The following SLC7A11 variants were observed in gnomAD, a reference collection of about 807,000 sequenced individuals.
The protein encoded by SLC7A11 is solute carrier family 7 member 11.
SLC7A11 carries 35 observed loss-of-function variants against 54.5 expected under a neutral mutation model. That is an observed-to-expected ratio of 0.64 (90% CI 0.49 to 0.85). SLC7A11 has a LOEUF of 0.85. Among genes scored for constraint, SLC7A11 ranks in the 40% least tolerant of loss-of-function variants. The pLI, the probability that SLC7A11 is intolerant of heterozygous loss-of-function variation, is 0.00. For missense variants in SLC7A11, 583 were observed against 618.1 expected, an observed-to-expected ratio of 0.94 and a Z score of 0.60; for synonymous variants, 230 against 225.2, an observed-to-expected ratio of 1.02 and a Z score of -0.19.
rs751552196 is a variant in SLC7A11, at chr4:138,179,397, G to A, written c.1267-3C>T. On this transcript the variant is annotated splice_region_variant and splice_polypyrimidine_tract_variant and intron_variant, in intron 10 of 11. Coordinates refer to ENST00000280612, the MANE Select transcript of SLC7A11 (RefSeq NM_014331.4). ...AAAGCTGGGATGAACAGTGGCACCTGGAACACAGAACACAAAAAAGTCACT... is the reference window on the plus strand; with the variant it reads ...AAAGCTGGGATGAACAGTGGCACCTAGAACACAGAACACAAAAAAGTCACT... 5.2e-5 allele frequency: 84 copies of A among 1,609,904 alleles called. No individual in the cohort carries two copies. Among genetic ancestry groups the A allele is most frequent in the Non-Finnish European group, 7.1e-5 (84 of 1,178,156 alleles).
At chr4:138,214,252 G>A (rs1737626352) in intron 6 of SLC7A11, among the ~76,000 whole-genome samples, 1 of 151,948 alleles carries the variant, frequency 6.6e-6, no homozygotes, top group Admixed American at 6.6e-5. Context: ...CCCGTGGGTA[G>A]TTTAGAGTCC....
At chr4:138,191,060 G>A (rs1263454389) in intron 6 of SLC7A11, among the ~76,000 whole-genome samples, 3 of 152,090 alleles carry the variant, frequency 2.0e-5, no homozygotes, top group African/African-American at 7.2e-5. Flanking sequence ...CATAGTTGCA[G>A]GGAAGGCATA....
chr4:138,235,039 T>C (rs1738172663), intron 2 of SLC7A11, among the ~76,000 whole-genome samples: 1 of 152,206 alleles, frequency 6.6e-6, no homozygotes. Context: ...GCTTGAAATG[T>C]TGGCAGTTTT....
intron 10 of SLC7A11, among the ~76,000 whole-genome samples, 200 bp downstream of exon 10, chr4:138,180,441 A>G (rs931491247): frequency 2.0e-5 from 3 of 152,134 alleles, no homozygotes; most frequent in Non-Finnish European, 2.9e-5. Context: ...GTTCAAGCCC[A>G]TCACATAAAA....
At chr4:138,232,205 C>T (rs1738095274) in intron 3 of SLC7A11, 62 bp downstream of exon 3, 1 of 1,131,918 alleles carries the variant, frequency 8.8e-7, no homozygotes, top group Admixed American at 1.7e-5. Flanking sequence ...TCTAAAGACA[C>T]TTTGTCTTCA....
rs1272790309 is a variant in SLC7A11 at position 138,166,238 on chromosome 4, A to C, written c.*5718T>G. ...AAGTATGCATCTAATAAAGTTAGTTAGTAGGAAAATTTGATGTCTAAATTT... is the reference window on the plus strand; with the variant it reads ...AAGTATGCATCTAATAAAGTTAGTTCGTAGGAAAATTTGATGTCTAAATTT... On this transcript the variant is annotated 3_prime_UTR_variant, in exon 12 of 12. Transcript: ENST00000280612. 1 of 152,178 alleles carries C rather than the reference A, an allele frequency of 6.6e-6. No individual in the cohort carries two copies. The highest frequency in any genetic ancestry group is 2.4e-5 in the African/African-American group (1 of 41,444). 9.4% of individuals were successfully genotyped at this position (152,178 alleles called of 1,614,324 possible). A position where few individuals can be genotyped will look rare whatever the true frequency, so the allele number is the denominator to read the frequency against.
At chr4:138,211,457 A>C (rs1441852132) in intron 6 of SLC7A11, among the ~76,000 whole-genome samples, 1 of 151,892 alleles carries the variant, frequency 6.6e-6, no homozygotes, top group Admixed American at 6.6e-5. Flanking sequence ...TAGTACAGAC[A>C]ATATGGAGAA....
chr4:138,219,296 A>C lies in SLC7A11; in HGVS notation c.716T>G (p.Phe239Cys), dbSNP rs768179053. The change falls in exon 5 of 12, where the codon TTT becomes TGT. Residue 239 changes from phenylalanine to cysteine, a missense_variant. Coordinates refer to ENST00000280612, the MANE Select transcript of SLC7A11 (RefSeq NM_014331.4). ...DSSITRLPLA[F>C]YYGMYAYAGW... ...AGCATATGCATACATTCCATAATAA[A>C]AAGCCAGTGGCAACCGCGTAATACT... 1 of 1,609,724 alleles carries C rather than the reference A, an allele frequency of 6.2e-7. No homozygotes were observed. The highest frequency in any genetic ancestry group is 8.5e-7 in the Non-Finnish European group (1 of 1,176,102).
intron 2 of SLC7A11, among the ~76,000 whole-genome samples, chr4:138,235,129 A>T (rs575568328): frequency 6.6e-6 from 1 of 152,306 alleles, no homozygotes; most frequent in Admixed American, 6.5e-5. Flanking sequence ...TGTGAAGCAG[A>T]GATAGAATTT....
Position 138,237,722 on chromosome 4 carries a change from TATATATATATATATA to T in SLC7A11, c.278-1286_278-1272del, listed in dbSNP as rs1399224499. Among the ~76,000 whole-genome samples, 92 of 10,320 alleles carry T rather than the reference TATATATATATATATA, an allele frequency of 8.9e-3. 1 individual carries two copies. The highest frequency in any genetic ancestry group is 0.022 in the African/African-American group (67 of 3,098). 6.8% of individuals were successfully genotyped at this position (10,320 alleles called of 152,430 possible). A position where few individuals can be genotyped will look rare whatever the true frequency, so the allele number is the denominator to read the frequency against. On this transcript the variant is annotated intron_variant, in intron 1 of 11. Transcript: ENST00000280612. ...CAGAATATATATATATATATATATA[TATATATATATATATA>T]TTTTTTTTTTTTTTTTTTTTTTTTT...
chr4:138,210,947 T>A (rs1737530486), intron 6 of SLC7A11, among the ~76,000 whole-genome samples: 1 of 152,092 alleles, frequency 6.6e-6, no homozygotes, highest in Non-Finnish European at 1.5e-5. Flanking sequence ...CATGCACTCA[T>A]AAGTTTATTG....
intron 9 of SLC7A11, 79 bp from the exon 10 acceptor site, chr4:138,180,869 T>TA (rs1736724578): frequency 8.1e-7 from 1 of 1,234,244 alleles, no homozygotes; most frequent in African/African-American, 1.5e-5. Flanking sequence ...CACTATGCAT[T>TA]ACGACCTTTT....
intron 6 of SLC7A11, among the ~76,000 whole-genome samples, chr4:138,200,417 A>C (rs919112540): frequency 6.6e-6 from 1 of 152,132 alleles, no homozygotes; most frequent in African/African-American, 2.4e-5. Flanking sequence ...TATCTATTTG[A>C]CTAACAGCTT....
At chr4:138,176,174 T>G (rs1167643438) in intron 11 of SLC7A11, 1 of 152,196 alleles carries the variant, frequency 6.6e-6, no homozygotes, top group African/African-American at 2.4e-5. Flanking sequence ...ATGAATTTTC[T>G]TTATTTTACT....
intron 2 of SLC7A11, among the ~76,000 whole-genome samples, chr4:138,232,675 T>C (rs998434759): frequency 5.3e-5 from 8 of 152,204 alleles, no homozygotes; most frequent in Admixed American, 5.2e-4. Flanking sequence ...GTTTATTACA[T>C]GAGATCTTGA....
intron 1 of SLC7A11, among the ~76,000 whole-genome samples, chr4:138,237,720 TATATATATATATA>T (rs1738253948): frequency 1.1e-4 from 1 of 9,216 alleles, no homozygotes; most frequent in African/African-American, 3.5e-4. Context: ...TATATATATA[TATATATATATATA>T]TATATTTTTT....
chr4:138,206,381 T>TTA (rs10659044), intron 6 of SLC7A11, among the ~76,000 whole-genome samples: 62,352 of 145,018 alleles, frequency 0.43, 13,982 homozygotes, highest in Middle Eastern at 0.62. Flanking sequence ...TCAATGAGAT[T>TTA]TATATATATA....
intron 3 of SLC7A11, among the ~76,000 whole-genome samples, chr4:138,226,101 A>G (rs1009655710): frequency 3.3e-5 from 5 of 152,172 alleles, no homozygotes; most frequent in African/African-American, 1.2e-4. Context: ...CAAATGGAAG[A>G]CAAAATTAAA....
chr4:138,190,191 C>G (rs1267984310), intron 6 of SLC7A11, among the ~76,000 whole-genome samples: 1 of 151,926 alleles, frequency 6.6e-6, no homozygotes, highest in East Asian at 1.9e-4. Flanking sequence ...TGATGCTTCA[C>G]ATTTCTATTT....
Sources: allele counts gnomAD v4.1 joint callset (sites outside exome capture counted in the v4.1 genomes callset), GRCh38; gene constraint gnomAD v4.1.1; transcripts MANE v1.5; gene names NCBI Gene and HGNC (gene_info 2026-07-23, HGNC 2026-07-21).